Variants in ABCD2 observed in about 807,000 individuals in gnomAD.
ABCD2 encodes ATP binding cassette subfamily D member 2.
In ABCD2, 36 loss-of-function variants were observed where a neutral mutation model predicts 70.9. The ratio of observed to expected loss-of-function variants is 0.51; its 90% CI spans 0.39 to 0.67. The LOEUF is 0.67. Ranked by LOEUF, ABCD2 falls within the 30% of genes least tolerant of loss-of-function variation. The pLI, the probability that ABCD2 is intolerant of heterozygous loss-of-function variation, is 0.00. For synonymous variants in ABCD2, 304 were observed against 306.9 expected (o/e 0.99, Z 0.10); for missense variants, 729 against 890.2 (o/e 0.82, Z 2.30).
chr12:39,588,208 A>G (rs1224491383), intron 6 of ABCD2, among the ~76,000 whole-genome samples: 2 of 152,192 alleles, frequency 1.3e-5, no homozygotes, highest in African/African-American at 2.4e-5. Flanking sequence ...ACAGTCTAAT[A>G]TTATCCTTTG....
At chr12:39,558,457 C>T (rs961742276) in intron 9 of ABCD2, among the ~76,000 whole-genome samples, 2 of 152,160 alleles carry the variant, frequency 1.3e-5, no homozygotes, top group Non-Finnish European at 2.9e-5. Flanking sequence ...TGTTTCCTTA[C>T]CCAAAATCTT....
chr12:39,585,830 G>A (rs1392230567), intron 7 of ABCD2, among the ~76,000 whole-genome samples: 1 of 152,072 alleles, frequency 6.6e-6, no homozygotes, highest in Non-Finnish European at 1.5e-5. Context: ...AGGCAAATAT[G>A]TCTGTCATAG....
chr12:39,576,403 C>T (rs940670516), intron 8 of ABCD2, among the ~76,000 whole-genome samples: 7 of 152,078 alleles, frequency 4.6e-5, no homozygotes, highest in Admixed American at 6.6e-5. Flanking sequence ...TCATGATCCA[C>T]CCGCCTCGCC....
At chr12:39,549,630 T>C (rs1941061123), downstream of ABCD2, among the ~76,000 whole-genome samples, 1 of 151,944 alleles carries the variant, frequency 6.6e-6, no homozygotes, top group Non-Finnish European at 1.5e-5. Context: ...GTTCCCTTTT[T>C]AGATGAAAAG....
At chr12:39,602,108 AT>A (rs1319112707) in intron 5 of ABCD2, among the ~76,000 whole-genome samples, 2 of 149,222 alleles carry the variant, frequency 1.3e-5, no homozygotes, top group African/African-American at 2.5e-5. Flanking sequence ...TCTGCAAATA[AT>A]TTTTAATTTT....
rs200731200 is a variant in ABCD2, at chr12:39,573,865, T to G, written c.1878-24A>C. ...GTCTTTTAAAAAGTACACACAAAAA[T>G]TAATTATTTTGCTATATGAACTATA... On this transcript the variant is annotated intron_variant, in intron 8 of 9. Transcript: ENST00000308666. 3.8e-4 allele frequency: 614 copies of G among 1,603,386 alleles called. 4 individuals carry two copies. The African/African-American group carries it at 7.7e-3, about 20-fold the overall frequency.
the ABCD2 span, among the ~76,000 whole-genome samples, chr12:39,543,468 G>T: frequency 3.3e-4 from 50 of 151,812 alleles, no homozygotes; most frequent in African/African-American, 1.2e-3. Flanking sequence ...TTCCTTTGTG[G>T]GGATTGTATG....
In ABCD2 at chr12:39,619,712, TC is replaced by T; in HGVS notation, c.-98del. ...AAATGTTTTAGAAAGTCCTACAGCG[TC>T]CCATAGTCTGCAGCGTTTCTCTTCC... On this transcript the variant is annotated 5_prime_UTR_variant, in exon 1 of 10. The change abolishes the stop of an existing upstream ORF in the 5' untranslated region. Transcript: ENST00000308666. 9.4e-7 allele frequency: 1 copy of T among 1,063,296 alleles called. No individual in the cohort carries two copies. The highest frequency in any genetic ancestry group is 1.3e-6 in the Non-Finnish European group (1 of 751,240). The allele number at this position is 1,063,296 out of a possible 1,614,324, so 65.9% of individuals were successfully genotyped here.
At chr12:39,608,671 G>A (rs767777774) in intron 2 of ABCD2, among the ~76,000 whole-genome samples, 3 of 152,114 alleles carry the variant, frequency 2.0e-5, no homozygotes, top group Non-Finnish European at 2.9e-5. Flanking sequence ...CTGGGTGACA[G>A]AGTGAGACCC....
the ABCD2 span, among the ~76,000 whole-genome samples, chr12:39,543,450 A>G: frequency 1.3e-5 from 2 of 151,940 alleles, no homozygotes; most frequent in Non-Finnish European, 2.9e-5. Context: ...TTGCTCTCTT[A>G]TGTCCTTTTC....
intron 3 of ABCD2, among the ~76,000 whole-genome samples, chr12:39,606,648 C>T (rs1941973222): frequency 6.6e-6 from 1 of 151,896 alleles, no homozygotes; most frequent in African/African-American, 2.4e-5. Flanking sequence ...GCTTGCTAGC[C>T]CTTTGTAATT....
chr12:39,564,582 C>T lies in ABCD2; in HGVS notation c.2003+9134G>A, dbSNP rs186199343. 3.2e-3 allele frequency among the ~76,000 whole-genome samples: 486 copies of T among 152,250 alleles called. 6 individuals carry two copies. The highest frequency in any genetic ancestry group is 0.011 in the African/African-American group (476 of 41,542). ...AATTTTCTCCCATTCTGTAGGTTGC[C>T]TGTTCACTCTAATGGTAGTTTCTTT... On this transcript the variant is annotated intron_variant, in intron 9 of 9. Coordinates refer to ENST00000308666, the MANE Select transcript of ABCD2 (RefSeq NM_005164.4).
chr12:39,608,910 A>G (rs906061682), intron 2 of ABCD2, among the ~76,000 whole-genome samples: 7 of 152,100 alleles, frequency 4.6e-5, no homozygotes, highest in Non-Finnish European at 8.8e-5. Context: ...AGCACCCCAT[A>G]CATGGCATAC....
chr12:39,547,431 A>C (rs547170001), downstream of ABCD2, among the ~76,000 whole-genome samples: 2 of 152,268 alleles, frequency 1.3e-5, no homozygotes, highest in South Asian at 4.1e-4. Context: ...AACCCAAGTA[A>C]ATGATTAGGC....
chr12:39,607,262 C>T (rs969820002), intron 3 of ABCD2, among the ~76,000 whole-genome samples: 2 of 152,124 alleles, frequency 1.3e-5, no homozygotes, highest in Non-Finnish European at 2.9e-5. Flanking sequence ...GACGCTGTAG[C>T]GACCTTGACC....
rs745963590 is a variant in ABCD2 at position 39,573,886 on chromosome 12, C to T, written c.1878-45G>A. 8 of 1,562,418 alleles carry T rather than the reference C, an allele frequency of 5.1e-6. No homozygotes were observed. The South Asian group carries it at 9.6e-5, about 19-fold the overall frequency. On this transcript the variant is annotated intron_variant, in intron 8 of 9. Transcript: ENST00000308666. ...AAAATTAATTATTTTGCTATATGAA[C>T]TATAAGTTTTTCTTTGGACAATATG...
At chr12:39,534,915 A>G in the ABCD2 span, among the ~76,000 whole-genome samples, 24 of 98,720 alleles carry the variant, frequency 2.4e-4, no homozygotes, top group African/African-American at 1.3e-3. Context: ...AAAGAAAGAA[A>G]GAAAGAAAGA....
chr12:39,598,646 C>T (rs1215284873), intron 6 of ABCD2, among the ~76,000 whole-genome samples: 6 of 152,122 alleles, frequency 3.9e-5, no homozygotes, highest in South Asian at 2.1e-4. Flanking sequence ...GCGATTCGCC[C>T]GCCTCAGCCT....
chr12:39,595,020 T>C (rs1261321124), intron 6 of ABCD2, among the ~76,000 whole-genome samples: 1 of 152,010 alleles, frequency 6.6e-6, no homozygotes, highest in Non-Finnish European at 1.5e-5. Flanking sequence ...GAGCCAAGAT[T>C]GTGCCACTGC....
Sources: gnomAD v4.1 joint callset for allele counts (sites outside exome capture counted in the v4.1 genomes callset) on GRCh38, gnomAD v4.1.1 for gene constraint, MANE v1.5 for transcripts, NCBI Gene and HGNC (gene_info 2026-07-23, HGNC 2026-07-21) for gene names.